PCDH15: variants seen among roughly 807,000 people sequenced by gnomAD.
The protein encoded by PCDH15 is protocadherin-15.
PCDH15 carries 129 observed loss-of-function variants against 178.5 expected under a neutral mutation model. The observed-to-expected ratio is 0.72, with a 90% CI of 0.63 to 0.84. The LOEUF (loss-of-function observed/expected upper bound fraction) is 0.84, where lower values mean the gene tolerates loss of function less well. Ranked by LOEUF, PCDH15 falls within the 40% of genes least tolerant of loss-of-function variation. PCDH15 has a pLI of 0.00. For missense variants in PCDH15, 2,230 were observed against 2,099.9 expected (o/e 1.06, Z -1.21); for synonymous variants, 800 against 732.0 (o/e 1.09, Z -1.50).
intron 8 of PCDH15, among the ~76,000 whole-genome samples, chr10:54,281,220 T>C (rs556492617): frequency 7.9e-5 from 12 of 151,936 alleles, no homozygotes; most frequent in Admixed American, 3.3e-4. Flanking sequence ...AAATATCTTA[T>C]CTTGGCAACG....
chr10:54,055,988 C>A (rs780359790), intron 18 of PCDH15, among the ~76,000 whole-genome samples: 2 of 152,100 alleles, frequency 1.3e-5, no homozygotes, highest in Non-Finnish European at 2.9e-5. Context: ...ATAATGAGAC[C>A]AGATTCATCT....
At chr10:54,544,266 A>G (rs985336886) in intron 2 of PCDH15, among the ~76,000 whole-genome samples, 1 of 151,700 alleles carries the variant, frequency 6.6e-6, no homozygotes, top group African/African-American at 2.4e-5. Context: ...AACAGTTTTT[A>G]TATTGGCCAT....
At chr10:54,362,815 C>A (rs905071148) in intron 5 of PCDH15, among the ~76,000 whole-genome samples, 9 of 152,014 alleles carry the variant, frequency 5.9e-5, no homozygotes, top group Non-Finnish European at 1.2e-4. Context: ...TACATAATTT[C>A]TCTCTAATGT....
chr10:54,870,200 C>A (rs1954011928), intron 3 of PCDH15, among the ~76,000 whole-genome samples: 1 of 152,116 alleles, frequency 6.6e-6, no homozygotes, highest in African/African-American at 2.4e-5. Flanking sequence ...CTGGCTGACA[C>A]AAGTAGTTGT....
Position 54,457,424 on chromosome 10 carries a change from G to T in PCDH15, c.157+70388C>A, listed in dbSNP as rs572694399. Among the ~76,000 whole-genome samples, 4 of 152,134 alleles carry T rather than the reference G, an allele frequency of 2.6e-5. No homozygotes were observed. The East Asian group carries it at 7.8e-4, about 29-fold the overall frequency. On this transcript the variant is annotated intron_variant, in intron 3 of 37. Coordinates refer to ENST00000644397, the MANE Select transcript of PCDH15 (RefSeq NM_001384140.1). ...GTACCTCTGGACGCTTTATTCTTCT[G>T]CTAACGTCAGCCCTCCTAATCTTTC...
chr10:54,214,686 G>A lies in PCDH15; in HGVS notation c.986-638C>T, dbSNP rs925754455. 4.6e-5 allele frequency among the ~76,000 whole-genome samples: 7 copies of A among 152,100 alleles called. No homozygotes were observed. In the East Asian group the frequency reaches 5.8e-4, roughly 13 times the overall value. Reference sequence around the variant, plus strand: ...TGCTGACTGAATCCTCTGCCTTCCCGGTTCAAGTGGTTCCCCTGCCTCAGC... The same window carrying A: ...TGCTGACTGAATCCTCTGCCTTCCCAGTTCAAGTGGTTCCCCTGCCTCAGC... On this transcript the variant is annotated intron_variant, in intron 9 of 37. Coordinates refer to ENST00000644397, the MANE Select transcript of PCDH15 (RefSeq NM_001384140.1).
intron 3 of PCDH15, among the ~76,000 whole-genome samples, chr10:54,482,122 C>A (rs992710005): frequency 2.0e-5 from 3 of 151,764 alleles, no homozygotes; most frequent in African/African-American, 7.2e-5. Flanking sequence ...TTAGATCACC[C>A]ATTTTTGAGT....
In PCDH15 at chr10:53,835,257, A is replaced by ATCTT. The variant is rs543573416; in HGVS notation, c.3984-3725_3984-3724insAAGA. Among the ~76,000 whole-genome samples, 613 of 152,352 alleles carry ATCTT rather than the reference A, an allele frequency of 4.0e-3. 2 individuals carry two copies. Among genetic ancestry groups the ATCTT allele is most frequent in the African/African-American group, 0.014 (581 of 41,582 alleles). ...AAACATTGTGGTTTAAAGGCAGTGT[A>ATCTT]TAAAGTCTTTTTCTGCCTTCTCCAT... On this transcript the variant is annotated intron_variant, in intron 29 of 37. Transcript: ENST00000644397.
intron 3 of PCDH15, among the ~76,000 whole-genome samples, chr10:54,400,624 G>T (rs1407079352): frequency 6.6e-6 from 1 of 151,966 alleles, no homozygotes; most frequent in Non-Finnish European, 1.5e-5. Context: ...TACTCTTTCA[G>T]TGCCCTGGAA....
intron 1 of PCDH15, among the ~76,000 whole-genome samples, chr10:54,774,007 CTTTTTTTTTTTTTTTTTTTTTTT>C (rs763704132): frequency 0.046 from 3,440 of 75,406 alleles, 181 homozygotes; most frequent in African/African-American, 0.15. Flanking sequence ...ACTTCATAGG[CTTTTTTTTTTTTTTTTTTTTTTT>C]TTTTTTTTTT....
chr10:54,949,274 A>T (rs1838273214), intron 2 of PCDH15, among the ~76,000 whole-genome samples: 1 of 151,988 alleles, frequency 6.6e-6, no homozygotes, highest in Admixed American at 6.6e-5. Context: ...ATTATGGTAG[A>T]AATCAAAGGG....
At chr10:54,528,841 T>TA (rs2083618536) in intron 2 of PCDH15, among the ~76,000 whole-genome samples, 1 of 152,080 alleles carries the variant, frequency 6.6e-6, no homozygotes, top group South Asian at 2.1e-4. Context: ...ATAATGAACA[T>TA]AAAAAATAGT....
chr10:54,532,367 C>T (rs1181515463), intron 2 of PCDH15, among the ~76,000 whole-genome samples: 1 of 152,122 alleles, frequency 6.6e-6, no homozygotes, highest in Non-Finnish European at 1.5e-5. Flanking sequence ...TCATCTATTT[C>T]CATGTCCCTC....
intron 2 of PCDH15, among the ~76,000 whole-genome samples, chr10:55,432,950 G>T (rs1260838431): frequency 1.3e-5 from 2 of 151,920 alleles, no homozygotes; most frequent in African/African-American, 4.8e-5. Flanking sequence ...CCTGAACCCT[G>T]GAGGTAGAGT....
chr10:54,900,746 G>A (rs998556945), intron 2 of PCDH15, among the ~76,000 whole-genome samples: 1 of 152,162 alleles, frequency 6.6e-6, no homozygotes, highest in Non-Finnish European at 1.5e-5. Flanking sequence ...TAGGAGCATA[G>A]TGTGGAAATT....
chr10:54,280,006 A>G (rs1454563964), intron 8 of PCDH15, among the ~76,000 whole-genome samples: 1 of 151,698 alleles, frequency 6.6e-6, no homozygotes, highest in African/African-American at 2.4e-5. Flanking sequence ...ATGCAAGATC[A>G]CCATTGTCAT....
chr10:54,224,856 T>C (rs2053259715), intron 9 of PCDH15, among the ~76,000 whole-genome samples: 1 of 152,146 alleles, frequency 6.6e-6, no homozygotes, highest in Non-Finnish European at 1.5e-5. Flanking sequence ...GTCCTGCTTT[T>C]ACAGCTTCCA....
chr10:54,294,726 C>A (rs1266762222), intron 8 of PCDH15, among the ~76,000 whole-genome samples: 2 of 152,068 alleles, frequency 1.3e-5, no homozygotes, highest in Non-Finnish European at 2.9e-5. Flanking sequence ...ACACACCAAG[C>A]TTTTAATTAA....
chr10:54,724,619 C>T (rs780079756), intron 1 of PCDH15, among the ~76,000 whole-genome samples: 5 of 150,960 alleles, frequency 3.3e-5, no homozygotes, highest in Non-Finnish European at 7.4e-5. Flanking sequence ...GTATGGTGCA[C>T]CAGAATATAT....
Sources: allele counts gnomAD v4.1 joint callset (sites outside exome capture counted in the v4.1 genomes callset), GRCh38; gene constraint gnomAD v4.1.1; transcripts MANE v1.5; gene names NCBI Gene and HGNC (gene_info 2026-07-23, HGNC 2026-07-21).